Variants in PITPNM1 observed in about 807,000 individuals in gnomAD.
PITPNM1 encodes membrane-associated phosphatidylinositol transfer protein 1.
PITPNM1 carries 74 observed loss-of-function variants against 133.3 expected under a neutral mutation model. The observed-to-expected ratio is 0.56, with a 90% CI of 0.46 to 0.67. PITPNM1 has a LOEUF of 0.67. Ranked by LOEUF, PITPNM1 falls within the 30% of genes least tolerant of loss-of-function variation. The pLI, the probability that PITPNM1 is intolerant of heterozygous loss-of-function variation, is 0.00. For missense variants in PITPNM1, 1,398 were observed against 1,739.5 expected (o/e 0.80, Z 3.49); for synonymous variants, 738 against 741.4 (o/e 1.00, Z 0.08).
rs145958022 is a variant in PITPNM1, at chr11:67,501,969, C to T, written c.533G>A (p.Arg178Gln). Residue 178 changes from arginine to glutamine, a missense_variant, in exon 5 of 24, where the codon CGG (arginine) becomes CAG (glutamine). Transcript: ENST00000356404. ...GRGPLSDDWA[R>Q]TAAQTGPLMC... is the part of the protein sequence containing the mutation. ...AAGGGGCCCCGTCTGTGCCGCCGTC[C>T]GTGCCCAGTCATCAGACAGTGGCCC... 1.8e-4 allele frequency: 289 copies of T among 1,613,560 alleles called. No individual in the cohort carries two copies. The highest frequency in any genetic ancestry group is 1.5e-3 in the Middle Eastern group (9 of 6,062).
At position 67,498,656 on chromosome 11, in the gene PITPNM1, A is replaced by G; in HGVS notation, c.1424T>C (p.Val475Ala). The G allele has an allele frequency of 6.2e-7, 1 of 1,600,742 alleles. No individual in the cohort carries two copies. The highest frequency in any genetic ancestry group is 8.5e-7 in the Non-Finnish European group (1 of 1,179,926). ...RIHFPEALGH[V>A]ALRLVPCPPI... is the part of the protein sequence containing the mutation. ...TGGACAGGGCACCAGTCGCAGCGCC[A>G]CGTGGCCCAAGGCCTCAGGGAAGTG... is the stretch of plus-strand genomic sequence containing the variant. Residue 475 changes from valine to alanine, a missense_variant, in exon 10 of 24, where the codon GTG becomes GCG. Physicochemically the swap from Val to Ala is moderately conservative, Grantham distance 64. Around this residue, in one of 5 missense-constraint regions of PITPNM1, gnomAD observed 574 missense variants for 698.7 expected, o/e 0.82. Transcript: ENST00000356404. The surrounding 1 kb of genome is among the most constrained non-coding windows in gnomAD (Gnocchi z 5.7).
At position 67,497,424 on chromosome 11, in the gene PITPNM1, G is replaced by T; in HGVS notation, c.1953C>A (p.Ala651=). Residue 651 remains alanine (A), a synonymous_variant, in exon 14 of 24, where the codon GCC becomes GCA. Transcript: ENST00000356404. ...GCTCCCAGGAGGAGGTGGTTGCGGG[G>T]GCTGCCTGAAGGCTGTGGGGGAGGA... ...PEGSQNSLQA[A]PATTSSWEPR... 1 of 1,590,296 alleles carries T rather than the reference G, an allele frequency of 6.3e-7. No individual in the cohort carries two copies. Among genetic ancestry groups the T allele is most frequent in the Non-Finnish European group, 8.6e-7 (1 of 1,166,234 alleles).
chr11:67,498,388 T>C lies in PITPNM1; in HGVS notation c.1485-66A>G, dbSNP rs1237925241. 4.2e-6 allele frequency: 6 copies of C among 1,439,178 alleles called. No homozygotes were observed. In the East Asian group the frequency reaches 1.2e-4, roughly 29 times the overall value. 89.2% of individuals were successfully genotyped at this position (1,439,178 alleles called of 1,614,324 possible). On this transcript the variant is annotated intron_variant, in intron 10 of 23. Transcript: ENST00000356404. This position sits in a 1 kb window ranked among gnomAD's most constrained non-coding sequence, Gnocchi z 5.7. ...ACCCACTCCTGCCATCCAAGTCCCC[T>C]GGGCCTGCTGGCAGGCCCTGGCTCT... is the stretch of plus-strand genomic sequence containing the variant.
rs768028973 is a variant in PITPNM1 at position 67,500,218 on chromosome 11, C to T, written c.844G>A (p.Ala282Thr). Reference sequence around the variant, plus strand: ...CCATCGGGGGTGCCAGTGTTGCTGGCCGCAGACCGGGCCTCGGTGCTCGGT... The same window carrying T: ...CCATCGGGGGTGCCAGTGTTGCTGGTCGCAGACCGGGCCTCGGTGCTCGGT... ...GKPSTEARSA[A>T]SNTGTPDGPE... The change falls in exon 6 of 24, where the codon GCC becomes ACC. Residue 282 changes from alanine (A) to threonine (T), a missense_variant. Around this residue, in one of 5 missense-constraint regions of PITPNM1, gnomAD observed 195 missense variants for 178.8 expected, o/e 1.09. Coordinates refer to ENST00000356404, the MANE Select transcript of PITPNM1 (RefSeq NM_004910.3). 15 of 1,603,986 alleles carry T rather than the reference C, an allele frequency of 9.4e-6. No individual in the cohort carries two copies. The East Asian group carries it at 3.3e-4, about 36-fold the overall frequency.
intron 20 of PITPNM1, 27 bp downstream of exon 20, chr11:67,493,895 C>T (rs758229963): frequency 6.5e-7 from 1 of 1,529,524 alleles, no homozygotes. Context: ...GGAGCCCTCC[C>T]GCAGAGGCCC....
At position 67,496,252 on chromosome 11, in the gene PITPNM1, A is replaced by G. The variant is rs1336983371; in HGVS notation, c.2243T>C (p.Phe748Ser). Residue 748 changes from phenylalanine to serine, a missense_variant, in exon 15 of 24, where the codon TTC (phenylalanine) becomes TCC (serine). By Grantham distance (155) the Phe-to-Ser change is radical. This residue lies in a region of PITPNM1 where 574 missense variants were observed against 698.7 expected (regional missense o/e 0.82). Coordinates refer to ENST00000356404, the MANE Select transcript of PITPNM1 (RefSeq NM_004910.3). ...SRLEPLLAPK[F>S]QAIAPLTVPR... The stretch of plus-strand genomic sequence containing the variant: ...CACGGTCAGTGGGGCGATGGCCTGG[A>G]ACTTCGGGGCCAGCAGGGGCTCGAG... The G allele has an allele frequency of 1.9e-6, 3 of 1,559,362 alleles. No individual in the cohort carries two copies. Among genetic ancestry groups the G allele is most frequent in the Non-Finnish European group, 2.6e-6 (3 of 1,160,422 alleles).
rs1025652824 is a variant in PITPNM1 at position 67,498,433 on chromosome 11, C to T, written c.1485-111G>A. On this transcript the variant is annotated intron_variant, in intron 10 of 23. Transcript: ENST00000356404. This position sits in a 1 kb window ranked among gnomAD's most constrained non-coding sequence, Gnocchi z 5.7. ...GGCTCTGTGGGTCCTCTGTGGGGAG[C>T]GTTAGCCCCAAGAGGCAACTGAAAT... 47 of 1,385,322 alleles carry T rather than the reference C, an allele frequency of 3.4e-5. No homozygotes were observed. The highest frequency in any genetic ancestry group is 1.5e-5 in the Non-Finnish European group (16 of 1,034,130). The allele number at this position is 1,385,322 out of a possible 1,614,324, so 85.8% of individuals were successfully genotyped here. A position where few individuals can be genotyped will look rare whatever the true frequency, so the allele number is the denominator to read the frequency against.
At chr11:67,500,931 G>T (rs1016984077) in intron 5 of PITPNM1, among the ~76,000 whole-genome samples, 1 of 152,178 alleles carries the variant, frequency 6.6e-6, no homozygotes, top group Non-Finnish European at 1.5e-5. Flanking sequence ...AAGTAATGAT[G>T]GTTGAATGAT....
chr11:67,493,649 C>T (rs1369776867), intron 21 of PITPNM1, 39 bp downstream of exon 21: 1 of 1,545,386 alleles, frequency 6.5e-7, no homozygotes, highest in Admixed American at 2.0e-5. Flanking sequence ...GGCCGGTCAC[C>T]CCGGTGAAAT....
chr11:67,504,167 T>C lies in PITPNM1; in HGVS notation c.14A>G (p.Glu5Gly), dbSNP rs1159522564. MLIK[E>G]YHILLPMSLD... ...GCTCATGGGCAGCAGAATGTGGTAT[T>C]CCTTGATGAGCATCCTGAAGGCGCT... Residue 5 changes from glutamate (E) to glycine (G), a missense_variant, in exon 2 of 24, where the codon GAA becomes GGA. Transcript: ENST00000356404. The surrounding 1 kb of genome is among the most constrained non-coding windows in gnomAD (Gnocchi z 5.4). The C allele has an allele frequency of 6.2e-7, 1 of 1,607,062 alleles. No individual in the cohort carries two copies. The highest frequency in any genetic ancestry group is 8.5e-7 in the Non-Finnish European group (1 of 1,177,526).
At chr11:67,497,459 A>T (rs1866162119) in intron 13 of PITPNM1, 23 bp from the exon 14 acceptor site, 1 of 1,592,470 alleles carries the variant, frequency 6.3e-7, no homozygotes, top group Non-Finnish European at 8.6e-7. Context: ...AGGGGTGCTC[A>T]GTGCTGCTGC....
intron 17 of PITPNM1, 50 bp from the exon 18 acceptor site, chr11:67,495,006 G>T: frequency 1.3e-6 from 2 of 1,594,752 alleles, no homozygotes. Context: ...AGGGAGGGCT[G>T]CCCCTCCCCC....
chr11:67,499,739 C>T lies in PITPNM1; in HGVS notation c.1155G>A (p.Glu385=). The T allele has an allele frequency of 6.6e-7, 1 of 1,506,748 alleles. No individual in the cohort carries two copies. Among genetic ancestry groups the T allele is most frequent in the Middle Eastern group, 1.8e-4 (1 of 5,568 alleles). The allele number at this position is 1,506,748 out of a possible 1,614,324, so 93.3% of individuals were successfully genotyped here. The change falls in exon 8 of 24, where the codon GAG becomes GAA. Residue 385 remains glutamate, a synonymous_variant. Transcript: ENST00000356404. ...TATCTTTACCTGGCGTTCCCTCTGC[C>T]TCCACTGGGGAGGCAAAGGCATCAA... ...DFIDAFASPV[E]AEGTPEPGAE...
rs762602655 is a variant in PITPNM1, at chr11:67,497,252, T to G, written c.2125A>C (p.Thr709Pro). 6.2e-7 allele frequency: 1 copy of G among 1,610,020 alleles called. No individual in the cohort carries two copies. Among genetic ancestry groups the G allele is most frequent in the South Asian group, 1.1e-5 (1 of 90,914 alleles). Residue 709 changes from threonine (T) to proline (P), a missense_variant, in exon 14 of 24, where the codon ACT becomes CCT. Around this residue, in one of 5 missense-constraint regions of PITPNM1, gnomAD observed 574 missense variants for 698.7 expected, o/e 0.82. Transcript: ENST00000356404. ...TCACCCTCCAGGGCGGGCATCACAG[T>G]TTTGCGCAGAGCCAGCACCAGGCCC... ...PLGLVLALRKTVMPALEAAQM... is the reference protein window; with the variant it reads ...PLGLVLALRKPVMPALEAAQM...
rs762804411 is a variant in PITPNM1 at position 67,502,430 on chromosome 11, G to A, written c.294-17C>T. The A allele has an allele frequency of 6.2e-7, 1 of 1,613,844 alleles. No homozygotes were observed. Among genetic ancestry groups the A allele is most frequent in the Admixed American group, 1.7e-5 (1 of 60,036 alleles). On this transcript the variant is annotated splice_polypyrimidine_tract_variant and intron_variant, in intron 3 of 23. Coordinates refer to ENST00000356404, the MANE Select transcript of PITPNM1 (RefSeq NM_004910.3). The surrounding 1 kb of genome is among the most constrained non-coding windows in gnomAD (Gnocchi z 5.9). ...CAGGTGTACCTGGGCAGAAGGCACGGGTGAGGCTCACTGCTGTACCCACCA... is the reference window on the plus strand; with the variant it reads ...CAGGTGTACCTGGGCAGAAGGCACGAGTGAGGCTCACTGCTGTACCCACCA...
intron 23 of PITPNM1, 75 bp from the exon 24 acceptor site, chr11:67,492,371 G>A (rs746980696): frequency 4.6e-5 from 64 of 1,400,644 alleles, no homozygotes; most frequent in Non-Finnish European, 6.1e-5. Context: ...GTCCTCCAGA[G>A]GCACCTGAGG....
chr11:67,503,050 G>A (rs1414703502), intron 2 of PITPNM1, among the ~76,000 whole-genome samples: 2 of 152,222 alleles, frequency 1.3e-5, no homozygotes, highest in Non-Finnish European at 2.9e-5. Flanking sequence ...ACATTCTAGT[G>A]GAAGGAGACA....
intron 22 of PITPNM1, 71 bp from the exon 23 acceptor site, chr11:67,493,133 T>G: frequency 6.3e-7 from 1 of 1,575,454 alleles, no homozygotes. Flanking sequence ...CCTGTTGGGC[T>G]TCCCCAGATT....
In PITPNM1 at chr11:67,493,280, G is replaced by T; in HGVS notation, c.3342+130C>A. 2.7e-6 allele frequency: 3 copies of T among 1,129,628 alleles called. No homozygotes were observed. In the East Asian group the frequency reaches 7.8e-5, roughly 29 times the overall value. The allele number at this position is 1,129,628 out of a possible 1,614,324, so 70.0% of individuals were successfully genotyped here. A position where few individuals can be genotyped will look rare whatever the true frequency, so the allele number is the denominator to read the frequency against. On this transcript the variant is annotated intron_variant, in intron 22 of 23. Coordinates refer to ENST00000356404, the MANE Select transcript of PITPNM1 (RefSeq NM_004910.3). Reference sequence around the variant, plus strand: ...CAAACTAGGGGAGCAGGACCGTAGCGGGCCGCTGCAGTCAGGCAGGGCCCG... The same window carrying T: ...CAAACTAGGGGAGCAGGACCGTAGCTGGCCGCTGCAGTCAGGCAGGGCCCG...
Sources: gnomAD v4.1 joint callset for allele counts (sites outside exome capture counted in the v4.1 genomes callset) on GRCh38, gnomAD v4.1.1 for gene constraint, gnomAD v4.1.1 regional missense constraint, Gnocchi (gnomAD v3.1) non-coding constraint, MANE v1.5 for transcripts, NCBI Gene and HGNC (gene_info 2026-07-23, HGNC 2026-07-21) for gene names.